NTM: variants seen among roughly 807,000 people sequenced by gnomAD.
NTM encodes IgLON family member 2.
NTM carries 13 observed loss-of-function variants against 42.1 expected under a neutral mutation model. The ratio of observed to expected loss-of-function variants is 0.31; its 90% confidence interval spans 0.20 to 0.49. The LOEUF (loss-of-function observed/expected upper bound fraction) is 0.49, where lower values mean the gene tolerates loss of function less well. Ranked by LOEUF, NTM falls within the 20% of genes least tolerant of loss-of-function variation. The pLI is 0.99. For missense variants in NTM, 373 were observed against 452.8 expected (o/e 0.82, Z 1.60); for synonymous variants, 187 against 179.2 (o/e 1.04, Z -0.35).
At chr11:131,597,671 A>T (rs1222739954) in intron 1 of NTM, among the ~76,000 whole-genome samples, 16 of 152,146 alleles carry the variant, frequency 1.1e-4, no homozygotes. Flanking sequence ...CACAGAAATC[A>T]CCCCTTTTCA....
At chr11:131,900,914 C>G (rs2137703747) in intron 1 of NTM, among the ~76,000 whole-genome samples, 1 of 152,246 alleles carries the variant, frequency 6.6e-6, no homozygotes, top group African/African-American at 2.4e-5. Flanking sequence ...TTTGGGCCAA[C>G]ACTTGTTTTT....
intron 4 of NTM, among the ~76,000 whole-genome samples, chr11:132,227,695 G>A (rs1319240551): frequency 6.6e-6 from 1 of 152,128 alleles, no homozygotes; most frequent in Admixed American, 6.5e-5. Flanking sequence ...AAATTTTTAT[G>A]TGTGGCTTTT....
At chr11:132,000,710 C>G (rs1010800371) in intron 2 of NTM, among the ~76,000 whole-genome samples, 1 of 152,172 alleles carries the variant, frequency 6.6e-6, no homozygotes, top group Admixed American at 6.5e-5. Context: ...AAAGCATAGA[C>G]TATGTGCTGA....
chr11:131,943,339 A>G (rs2060006216), intron 2 of NTM, among the ~76,000 whole-genome samples: 1 of 152,214 alleles, frequency 6.6e-6, no homozygotes, highest in Non-Finnish European at 1.5e-5. Flanking sequence ...TGGTGACACA[A>G]CAAAGAATGG....
chr11:132,080,458 C>T (rs2058891983), intron 2 of NTM, among the ~76,000 whole-genome samples: 1 of 152,238 alleles, frequency 6.6e-6, no homozygotes. Context: ...CACGGGTAGA[C>T]AGCTTTGCTT....
chr11:131,605,093 C>CAA (rs372416946), intron 1 of NTM, among the ~76,000 whole-genome samples: 1 of 142,924 alleles, frequency 7.0e-6, no homozygotes, highest in Non-Finnish European at 1.5e-5. Context: ...TCAATTTCTG[C>CAA]AAAAAAAAAA....
intron 2 of NTM, among the ~76,000 whole-genome samples, chr11:132,104,860 G>T (rs1214994605): frequency 6.8e-6 from 1 of 146,350 alleles, no homozygotes; most frequent in Non-Finnish European, 1.5e-5. Context: ...AGCTGTGATT[G>T]TGGCACTGTA....
intron 1 of NTM, among the ~76,000 whole-genome samples, chr11:131,507,774 T>A (rs1408567003): frequency 2.7e-5 from 4 of 147,880 alleles, no homozygotes; most frequent in African/African-American, 1.0e-4. Flanking sequence ...GTCCTTCACA[T>A]CCCTTGTAAG....
intron 3 of NTM, among the ~76,000 whole-genome samples, chr11:132,155,755 A>C (rs955435475): frequency 2.6e-5 from 4 of 152,366 alleles, no homozygotes; most frequent in African/African-American, 9.6e-5. Flanking sequence ...TCTGAGAAAG[A>C]AAGATGAGAA....
At chr11:131,907,130 G>A (rs1050244038) in intron 1 of NTM, among the ~76,000 whole-genome samples, 8 of 152,182 alleles carry the variant, frequency 5.3e-5, no homozygotes, top group Non-Finnish European at 1.0e-4. Flanking sequence ...CAGGAGAGGG[G>A]AGCCTTTAGC....
chr11:131,727,944 A>G (rs1031675577), intron 1 of NTM, among the ~76,000 whole-genome samples: 1 of 152,218 alleles, frequency 6.6e-6, no homozygotes, highest in African/African-American at 2.4e-5. Context: ...AATAAGCTGC[A>G]TGAGAGCAGG....
intron 1 of NTM, among the ~76,000 whole-genome samples, chr11:131,574,600 C>T (rs2057759245): frequency 9.5e-6 from 1 of 105,304 alleles, no homozygotes; most frequent in Admixed American, 9.3e-5. Flanking sequence ...ACACATGCAC[C>T]TTTACATTCA....
At chr11:131,765,045 C>A (rs2084890416) in intron 1 of NTM, among the ~76,000 whole-genome samples, 2 of 152,108 alleles carry the variant, frequency 1.3e-5, no homozygotes, top group Non-Finnish European at 2.9e-5. Flanking sequence ...GGAACCCAGC[C>A]GGCGCTTCTC....
chr11:131,410,151 A>C (rs948801285), intron 1 of NTM, among the ~76,000 whole-genome samples: 11 of 152,064 alleles, frequency 7.2e-5, no homozygotes, highest in African/African-American at 2.7e-4. Context: ...GTTTGGATGC[A>C]GATCTATAAA....
intron 1 of NTM, among the ~76,000 whole-genome samples, chr11:131,667,997 G>A (rs2069387086): frequency 6.6e-6 from 1 of 152,186 alleles, no homozygotes; most frequent in South Asian, 2.1e-4. Context: ...GGTGCCTTGT[G>A]CGGCTTGAGC....
At chr11:132,055,623 G>A (rs2079519185) in intron 2 of NTM, among the ~76,000 whole-genome samples, 1 of 150,946 alleles carries the variant, frequency 6.6e-6, no homozygotes, top group South Asian at 2.1e-4. Flanking sequence ...AAGCAAAGAG[G>A]TGTGTGTGCG....
At chr11:131,420,195 G>C (rs764073109) in intron 1 of NTM, among the ~76,000 whole-genome samples, 10 of 152,176 alleles carry the variant, frequency 6.6e-5, no homozygotes, top group Non-Finnish European at 1.3e-4. Context: ...TCCTCAGATG[G>C]GGAGTTATCC....
At chr11:131,790,661 T>C (rs544072928) in intron 1 of NTM, among the ~76,000 whole-genome samples, 1 of 152,320 alleles carries the variant, frequency 6.6e-6, no homozygotes, top group Admixed American at 6.5e-5. Flanking sequence ...GGTATAGGCT[T>C]GCCTTAAGAT....
At chr11:131,976,091 C>A (rs1180446574) in intron 2 of NTM, among the ~76,000 whole-genome samples, 9 of 151,302 alleles carry the variant, frequency 5.9e-5, no homozygotes, top group Non-Finnish European at 1.3e-4. Context: ...GTCCTTCCTT[C>A]CCTCCTTCCC....
Sources: gnomAD v4.1 joint callset for allele counts (sites outside exome capture counted in the v4.1 genomes callset) on GRCh38, gnomAD v4.1.1 for gene constraint, MANE v1.5 for transcripts, NCBI Gene and HGNC (gene_info 2026-07-23, HGNC 2026-07-21) for gene names.